The following DGKD variants were observed in gnomAD, a reference collection of about 807,000 sequenced individuals.
DGKD encodes diacylglycerol kinase delta.
Under a neutral mutation model 154.4 loss-of-function variants are expected in DGKD, and 68 were observed. The ratio of observed to expected loss-of-function variants is 0.44; its 90% CI spans 0.36 to 0.54. The LOEUF (loss-of-function observed/expected upper bound fraction) is 0.54. Among genes scored for constraint, DGKD ranks in the 20% least tolerant of loss-of-function variants. DGKD has a pLI of 0.00. For synonymous variants in DGKD, 693 were observed against 638.0 expected (o/e 1.09, Z -1.30); for missense variants, 1,343 against 1,593.6 (o/e 0.84, Z 2.68).
rs186987814 is a variant in DGKD at position 233,414,983 on chromosome 2, G to T, written c.349-19397G>T. Among the ~76,000 whole-genome samples, 4 of 152,286 alleles carry T rather than the reference G, an allele frequency of 2.6e-5. No individual in the cohort carries two copies. The East Asian group carries it at 5.8e-4, about 22-fold the overall frequency. ...TGTGTGGGTATTTTTTAGAGACGGGGTCTTGCTGTGTTGCCTGGGCCGGTC... is the reference window on the plus strand; with the variant it reads ...TGTGTGGGTATTTTTTAGAGACGGGTTCTTGCTGTGTTGCCTGGGCCGGTC... On this transcript the variant is annotated intron_variant, in intron 3 of 29. Transcript: ENST00000264057.
intron 3 of DGKD, among the ~76,000 whole-genome samples, chr2:233,413,140 GT>G: frequency 6.6e-6 from 1 of 152,200 alleles, no homozygotes. Flanking sequence ...GCTCACGTCC[GT>G]AATCCCTGCA....
chr2:233,461,605 G>A (rs545354532), intron 24 of DGKD, among the ~76,000 whole-genome samples: 51 of 152,350 alleles, frequency 3.3e-4, no homozygotes, highest in African/African-American at 1.1e-3. Context: ...ATTCCTTGCC[G>A]TGCAGTGGGC....
intron 3 of DGKD, among the ~76,000 whole-genome samples, chr2:233,393,755 C>T (rs1234142952): frequency 6.8e-6 from 1 of 147,052 alleles, no homozygotes; most frequent in Non-Finnish European, 1.5e-5. Context: ...GTGGTCTCGG[C>T]TCTCTGCAGC....
In DGKD at chr2:233,396,355, T is replaced by G. The variant is rs114378328; in HGVS notation, c.348+5872T>G. Among the ~76,000 whole-genome samples, 513 of 152,344 alleles carry G rather than the reference T, an allele frequency of 3.4e-3. 4 individuals are homozygous for G. The highest frequency in any genetic ancestry group is 0.012 in the African/African-American group (484 of 41,586). ...AACGAATTCTGGTTCATGTGCTTTG[T>G]CTTGTTCTTTGGGAATTTGGCTCGT... On this transcript the variant is annotated intron_variant, in intron 3 of 29. Transcript: ENST00000264057.
chr2:233,459,054 G>GGA lies in DGKD; in HGVS notation c.2694+659_2694+660dup, dbSNP rs2063544315. Among the ~76,000 whole-genome samples, 1 of 152,252 alleles carries GGA rather than the reference G, an allele frequency of 6.6e-6. No homozygotes were observed. The highest frequency in any genetic ancestry group is 2.4e-5 in the African/African-American group (1 of 41,462). On this transcript the variant is annotated intron_variant, in intron 22 of 29. Transcript: ENST00000264057. The surrounding 1 kb of genome is among the most constrained non-coding windows in gnomAD (Gnocchi z 5.7). ...GCCCATGGCTCTGATGTGGGGTGTG[G>GGA]GAGGATTTCCAGCTGGGGCCCTCGA...
At position 233,436,453 on chromosome 2, in the gene DGKD, C is replaced by T; in HGVS notation, c.819+12C>T. The T allele has an allele frequency of 6.2e-7, 1 of 1,609,226 alleles. No homozygotes were observed. Among genetic ancestry groups the T allele is most frequent in the Non-Finnish European group, 8.5e-7 (1 of 1,178,682 alleles). ...GGTGCAAGGCCATGGTGAGTGTGGG[C>T]CCTGCGCCCGGGCTGGAGGGGAGGG... On this transcript the variant is annotated intron_variant, in intron 7 of 29. Transcript: ENST00000264057.
rs1559545370 is a variant in DGKD, at chr2:233,436,302, CTGTT to C, written c.694-11_694-8del. ...TTGGGAGCGTCCCTAGTGCGTGCCTCTGTTTGGTTGCAGATTGCAATGCCCCACC... is the reference window on the plus strand; with the variant it reads ...TTGGGAGCGTCCCTAGTGCGTGCCTCTGGTTGCAGATTGCAATGCCCCACC... On this transcript the variant is annotated splice_polypyrimidine_tract_variant and intron_variant, in intron 6 of 29. Transcript: ENST00000264057. The C allele has an allele frequency of 6.2e-7, 1 of 1,614,142 alleles. No homozygotes were observed. The highest frequency in any genetic ancestry group is 1.7e-5 in the Admixed American group (1 of 60,036).
At chr2:233,410,711 T>G (rs115585538) in intron 3 of DGKD, among the ~76,000 whole-genome samples, 3 of 152,216 alleles carry the variant, frequency 2.0e-5, no homozygotes, top group Non-Finnish European at 4.4e-5. Context: ...TTTTGTGACT[T>G]GAGACATAAT....
intron 3 of DGKD, among the ~76,000 whole-genome samples, chr2:233,427,772 C>T (rs1373246031): frequency 2.6e-5 from 4 of 152,182 alleles, no homozygotes; most frequent in Non-Finnish European, 5.9e-5. Context: ...TTTGTGAAGG[C>T]TGGATTTTGG....
In DGKD at chr2:233,380,574, A is replaced by G. The variant is rs114806804; in HGVS notation, c.157-7683A>G. ...AACTGCTTAGGTCTCCTTGACCAGTACTGGGGCAGTGGGGATTAGCCCTAT... is the reference window on the plus strand; with the variant it reads ...AACTGCTTAGGTCTCCTTGACCAGTGCTGGGGCAGTGGGGATTAGCCCTAT... On this transcript the variant is annotated intron_variant, in intron 1 of 29. Transcript: ENST00000264057. 6.5e-3 allele frequency among the ~76,000 whole-genome samples: 991 copies of G among 152,298 alleles called. 11 individuals carry two copies. Among genetic ancestry groups the G allele is most frequent in the African/African-American group, 0.023 (952 of 41,548 alleles).
intron 29 of DGKD, 107 bp downstream of exon 29, chr2:233,468,660 C>G: frequency 6.5e-7 from 1 of 1,536,370 alleles, no homozygotes; most frequent in Non-Finnish European, 8.8e-7. Context: ...CACGATTCTT[C>G]TCAGGCTTTC....
Position 233,453,000 on chromosome 2 carries a change from C to T in DGKD, c.2264+940C>T, listed in dbSNP as rs1002948480. 3.9e-5 allele frequency among the ~76,000 whole-genome samples: 6 copies of T among 152,158 alleles called. No individual in the cohort carries two copies. Among genetic ancestry groups the T allele is most frequent in the African/African-American group, 4.8e-5 (2 of 41,436 alleles). On this transcript the variant is annotated intron_variant, in intron 18 of 29. Coordinates refer to ENST00000264057, the MANE Select transcript of DGKD (RefSeq NM_152879.3). This position sits in a 1 kb window ranked among gnomAD's most constrained non-coding sequence, Gnocchi z 4.0. ...CTGGTCTACTCCTCCCCTGGGGCTG[C>T]GTGGGGCTCCAGTTCTCAGCCCTCC...
In DGKD at chr2:233,441,067, A is replaced by T. The variant is rs1244153775; in HGVS notation, c.1086-820A>T. 6.6e-6 allele frequency among the ~76,000 whole-genome samples: 1 copy of T among 152,140 alleles called. No homozygotes were observed. The highest frequency in any genetic ancestry group is 1.5e-5 in the Non-Finnish European group (1 of 68,008). ...GTGGTGTGTTCTGGAGGACAGGTGC[A>T]AGTGTTGGCTTTCAGGAGTGGCCTG... On this transcript the variant is annotated intron_variant, in intron 9 of 29. Coordinates refer to ENST00000264057, the MANE Select transcript of DGKD (RefSeq NM_152879.3). This position sits in a 1 kb window ranked among gnomAD's most constrained non-coding sequence, Gnocchi z 5.6.
At chr2:233,384,033 A>G (rs1703035422) in intron 1 of DGKD, among the ~76,000 whole-genome samples, 3 of 151,934 alleles carry the variant, frequency 2.0e-5, no homozygotes, top group African/African-American at 7.3e-5. Context: ...CATGACAAAA[A>G]AATAGCAAGG....
At chr2:233,363,577 T>C (rs1701886731) in intron 1 of DGKD, among the ~76,000 whole-genome samples, 1 of 152,204 alleles carries the variant, frequency 6.6e-6, no homozygotes. Flanking sequence ...TTACAAAGCA[T>C]AGAGTACTGG....
Position 233,417,334 on chromosome 2 carries a change from C to A in DGKD, c.349-17046C>A, listed in dbSNP as rs911899788. 9.2e-5 allele frequency among the ~76,000 whole-genome samples: 14 copies of A among 152,238 alleles called. No homozygotes were observed. In the East Asian group the frequency reaches 2.5e-3, roughly 27 times the overall value. ...AGTCATGAGCCCCTGCGCCTAGCCC[C>A]CCTTGTGCATTTTTTAAAAGGTGCA... On this transcript the variant is annotated intron_variant, in intron 3 of 29. Transcript: ENST00000264057.
chr2:233,432,560 G>A (rs1431348313), intron 3 of DGKD, among the ~76,000 whole-genome samples: 1 of 152,220 alleles, frequency 6.6e-6, no homozygotes, highest in Non-Finnish European at 1.5e-5. Flanking sequence ...TCGGGAGGCT[G>A]AGGCAGGAGA....
At chr2:233,464,666 G>C (rs541144280) in intron 27 of DGKD, among the ~76,000 whole-genome samples, 9 of 152,338 alleles carry the variant, frequency 5.9e-5, no homozygotes, top group African/African-American at 2.2e-4. Flanking sequence ...GGCGCAGTTG[G>C]TGTGCGCCAC....
chr2:233,426,654 A>T (rs892689891), intron 3 of DGKD, among the ~76,000 whole-genome samples: 19 of 152,172 alleles, frequency 1.2e-4, no homozygotes, highest in Admixed American at 7.9e-4. Context: ...TGAGTATACT[A>T]CAGTGTATTC....
Sources: allele counts gnomAD v4.1 joint callset (sites outside exome capture counted in the v4.1 genomes callset), GRCh38; gene constraint gnomAD v4.1.1; non-coding constraint Gnocchi (gnomAD v3.1); transcripts MANE v1.5; gene names NCBI Gene and HGNC (gene_info 2026-07-23, HGNC 2026-07-21).